GXYLT1: variants seen among roughly 807,000 people sequenced by gnomAD.
GXYLT1 encodes glucoside xylosyltransferase 1.
GXYLT1 carries 29 observed loss-of-function variants against 54.0 expected under a neutral mutation model. That is an observed-to-expected ratio of 0.54 (90% CI 0.40 to 0.73). GXYLT1 has a LOEUF of 0.73. GXYLT1 is among the 30% of genes least tolerant of loss of function. The probability of loss-of-function intolerance (pLI) is 0.00; values close to 1 mark genes in which losing one functional copy is unlikely to be tolerated. For missense variants in GXYLT1, 490 were observed against 553.4 expected (o/e 0.89, Z 1.15); for synonymous variants, 176 against 204.1 (o/e 0.86, Z 1.17).
intron 1 of GXYLT1, among the ~76,000 whole-genome samples, chr12:42,141,093 C>T (rs994703928): frequency 2.6e-5 from 4 of 152,220 alleles, no homozygotes; most frequent in African/African-American, 9.6e-5. Flanking sequence ...TCATGTTATT[C>T]TGTCTGCCAC....
intron 1 of GXYLT1, among the ~76,000 whole-genome samples, chr12:42,131,113 G>T (rs2065591699): frequency 6.6e-6 from 1 of 152,170 alleles, no homozygotes; most frequent in Admixed American, 6.5e-5. Context: ...TAGGTTGCAT[G>T]TTGGAGCCAA....
chr12:42,113,720 C>T (rs1289711388), intron 3 of GXYLT1, among the ~76,000 whole-genome samples: 5 of 150,986 alleles, frequency 3.3e-5, no homozygotes, highest in South Asian at 2.1e-4. Flanking sequence ...GACAGATCAA[C>T]GAGACAGAAA....
chr12:42,120,898 T>C (rs368474898), intron 2 of GXYLT1, among the ~76,000 whole-genome samples: 99 of 152,262 alleles, frequency 6.5e-4, no homozygotes, highest in African/African-American at 2.4e-3. Flanking sequence ...AGAAGCAATG[T>C]CTCTTCCCTT....
intron 1 of GXYLT1, among the ~76,000 whole-genome samples, chr12:42,133,559 T>C (rs113852688): frequency 1.3e-5 from 2 of 152,262 alleles, no homozygotes; most frequent in African/African-American, 4.8e-5. Context: ...CTGCTAGCCA[T>C]GTAAAAGAGC....
chr12:42,111,470 C>A (rs1199604992), intron 3 of GXYLT1, among the ~76,000 whole-genome samples: 2 of 152,234 alleles, frequency 1.3e-5, no homozygotes, highest in South Asian at 2.1e-4. Context: ...AAACGGCACA[C>A]CAGGAGATTA....
intron 2 of GXYLT1, among the ~76,000 whole-genome samples, chr12:42,128,871 TG>T (rs1295387615): frequency 1.3e-5 from 2 of 152,018 alleles, no homozygotes; most frequent in Non-Finnish European, 2.9e-5. Context: ...GACAGGGTCT[TG>T]CTTTTGTTGC....
At chr12:42,128,192 A>C (rs2065574125) in intron 2 of GXYLT1, among the ~76,000 whole-genome samples, 1 of 152,230 alleles carries the variant, frequency 6.6e-6, no homozygotes, top group Admixed American at 6.5e-5. Context: ...TCTACTGCAC[A>C]GCAAGGTGTC....
At chr12:42,092,206 G>T (rs1362992532) in intron 7 of GXYLT1, among the ~76,000 whole-genome samples, 1 of 152,120 alleles carries the variant, frequency 6.6e-6, no homozygotes, top group Non-Finnish European at 1.5e-5. Context: ...CAAATAATGA[G>T]AACTTAGGAA....
intron 3 of GXYLT1, among the ~76,000 whole-genome samples, chr12:42,117,723 TTCTTA>T (rs1196092094): frequency 2.6e-5 from 4 of 152,348 alleles, no homozygotes; most frequent in Non-Finnish European, 5.9e-5. Flanking sequence ...AGTTTTCTTT[TTCTTA>T]TATGTTCTTC....
At chr12:42,121,906 G>A (rs1224651519) in intron 2 of GXYLT1, among the ~76,000 whole-genome samples, 1 of 151,878 alleles carries the variant, frequency 6.6e-6, no homozygotes, top group African/African-American at 2.4e-5. Flanking sequence ...CCTACCCCTA[G>A]ACCCAAAAGA....
chr12:42,115,835 CA>C (rs1171192281), intron 3 of GXYLT1, among the ~76,000 whole-genome samples: 5 of 145,216 alleles, frequency 3.4e-5, no homozygotes, highest in African/African-American at 1.3e-4. Flanking sequence ...AATGCTAAGC[CA>C]AAAGAACAAA....
At chr12:42,126,321 C>A (rs1265453846) in intron 2 of GXYLT1, among the ~76,000 whole-genome samples, 1 of 152,058 alleles carries the variant, frequency 6.6e-6, no homozygotes, top group Non-Finnish European at 1.5e-5. Context: ...GCGATCGGCA[C>A]GCCTTGGCCT....
chr12:42,101,126 T>C (rs1336670588), intron 5 of GXYLT1, among the ~76,000 whole-genome samples: 4 of 152,080 alleles, frequency 2.6e-5, no homozygotes, highest in African/African-American at 9.7e-5. Context: ...TTGCTAATGA[T>C]ATAACCTAGA....
At chr12:42,110,270 C>T (rs377142082) in intron 3 of GXYLT1, among the ~76,000 whole-genome samples, 1 of 152,060 alleles carries the variant, frequency 6.6e-6, no homozygotes, top group Non-Finnish European at 1.5e-5. Context: ...ACACTTAGTA[C>T]CCTAAATGCA....
chr12:42,097,160 T>C (rs991505924), intron 7 of GXYLT1, among the ~76,000 whole-genome samples: 26 of 151,962 alleles, frequency 1.7e-4, no homozygotes, highest in Admixed American at 2.0e-4. Flanking sequence ...AGCGTCCTTA[T>C]TCTTAGTTTA....
chr12:42,122,490 T>C (rs2065537115), intron 2 of GXYLT1, among the ~76,000 whole-genome samples: 1 of 152,100 alleles, frequency 6.6e-6, no homozygotes, highest in African/African-American at 2.4e-5. Context: ...TTCGAGAGGC[T>C]GAGACAGGAG....
intron 3 of GXYLT1, among the ~76,000 whole-genome samples, chr12:42,118,401 C>A (rs761336544): frequency 7.9e-4 from 121 of 152,286 alleles, no homozygotes; most frequent in Non-Finnish European, 1.5e-3. Context: ...TAAAATAAAA[C>A]CTCCATTTTT....
intron 2 of GXYLT1, among the ~76,000 whole-genome samples, chr12:42,120,483 G>A (rs2065524294): frequency 6.6e-6 from 1 of 152,068 alleles, no homozygotes; most frequent in Admixed American, 6.6e-5. Context: ...CTTCTGCTGT[G>A]CCACTTCTTT....
At chr12:42,094,538 A>G (rs967861441) in intron 7 of GXYLT1, among the ~76,000 whole-genome samples, 5 of 150,890 alleles carry the variant, frequency 3.3e-5, no homozygotes, top group Admixed American at 1.3e-4. Flanking sequence ...ACGTGCCTGT[A>G]GTACCAGCTA....
Sources: gnomAD v4.1 joint callset for allele counts (sites outside exome capture counted in the v4.1 genomes callset) on GRCh38, gnomAD v4.1.1 for gene constraint, MANE v1.5 for transcripts, NCBI Gene and HGNC (gene_info 2026-07-23, HGNC 2026-07-21) for gene names.